Variants in KATNA1 observed in about 807,000 individuals in gnomAD.
The protein encoded by KATNA1 is katanin catalytic subunit A1.
In KATNA1, 42 loss-of-function variants were observed where a neutral mutation model predicts 62.6. The ratio of observed to expected loss-of-function variants is 0.67; its 90% confidence interval spans 0.52 to 0.87. The LOEUF is 0.87. KATNA1 is among the 40% of genes least tolerant of loss of function. The pLI is 0.00. For synonymous variants in KATNA1, 186 were observed against 201.9 expected (o/e 0.92, Z 0.67); for missense variants, 498 against 612.5 (o/e 0.81, Z 1.97).
At chr6:149,632,185 A>C (rs1453656120) in intron 3 of KATNA1, among the ~76,000 whole-genome samples, 1 of 151,946 alleles carries the variant, frequency 6.6e-6, no homozygotes, top group African/African-American at 2.4e-5. Flanking sequence ...CGAGGTGAGG[A>C]GAACGAGACC....
chr6:149,617,586 G>C, intron 4 of KATNA1, among the ~76,000 whole-genome samples: 1 of 150,556 alleles, frequency 6.6e-6, no homozygotes, highest in Non-Finnish European at 1.5e-5. Context: ...CGGATCACGA[G>C]GTCAAGAGAT....
chr6:149,605,908 G>A (rs538224937), intron 4 of KATNA1, among the ~76,000 whole-genome samples: 19 of 152,168 alleles, frequency 1.2e-4, no homozygotes, highest in East Asian at 7.7e-4. Context: ...AGGATGACAG[G>A]TGTGCACCAC....
intron 7 of KATNA1, among the ~76,000 whole-genome samples, chr6:149,600,770 TAA>T (rs386408910): frequency 3.1e-4 from 34 of 108,346 alleles, no homozygotes; most frequent in Middle Eastern, 4.6e-3. Context: ...ACCCCATCTG[TAA>T]AAAAAAAAAA....
At chr6:149,638,717 TA>T (rs145326017) in intron 1 of KATNA1, 157 bp from the exon 2 acceptor site, 101,298 of 272,104 alleles carry the variant, frequency 0.37, 23,899 homozygotes, top group East Asian at 0.72. Context: ...TTCACTCCTT[TA>T]AAAAAAACAT....
chr6:149,621,217 G>A (rs1048715459), intron 4 of KATNA1, among the ~76,000 whole-genome samples: 2 of 150,230 alleles, frequency 1.3e-5, no homozygotes, highest in Non-Finnish European at 2.9e-5. Context: ...TCCACCTCCC[G>A]GGTTCAAGCC....
At chr6:149,621,903 C>T (rs551909272) in intron 4 of KATNA1, among the ~76,000 whole-genome samples, 9 of 152,030 alleles carry the variant, frequency 5.9e-5, no homozygotes, top group African/African-American at 2.2e-4. Context: ...AATTCCAGTC[C>T]GAGAAAGGCA....
intron 2 of KATNA1, among the ~76,000 whole-genome samples, chr6:149,637,380 G>A (rs1283330355): frequency 6.6e-6 from 1 of 152,044 alleles, no homozygotes; most frequent in Non-Finnish European, 1.5e-5. Flanking sequence ...TCCCTCCTGG[G>A]CAAGAGAGCA....
At chr6:149,607,109 T>A (rs1320318263) in intron 4 of KATNA1, among the ~76,000 whole-genome samples, 1 of 152,150 alleles carries the variant, frequency 6.6e-6, no homozygotes, top group African/African-American at 2.4e-5. Context: ...ATATAAGGCA[T>A]TTTCTCTTTC....
At chr6:149,622,109 CT>C (rs1562292305) in intron 4 of KATNA1, among the ~76,000 whole-genome samples, 3 of 148,680 alleles carry the variant, frequency 2.0e-5, no homozygotes, top group African/African-American at 7.5e-5. Flanking sequence ...AAATTTACAG[CT>C]TTTGATAACT....
chr6:149,623,566 G>T (rs867365640), intron 3 of KATNA1, among the ~76,000 whole-genome samples: 1 of 151,856 alleles, frequency 6.6e-6, no homozygotes, highest in Admixed American at 6.6e-5. Context: ...TTGATACCCC[G>T]TCTCTACTAA....
intron 2 of KATNA1, among the ~76,000 whole-genome samples, chr6:149,635,583 C>T (rs1354396855): frequency 6.6e-6 from 1 of 151,892 alleles, no homozygotes; most frequent in East Asian, 1.9e-4. Flanking sequence ...GTGGCACACA[C>T]CTGTAATTCC....
At chr6:149,626,292 CTTTTT>C (rs544379629) in intron 3 of KATNA1, among the ~76,000 whole-genome samples, 2 of 88,748 alleles carry the variant, frequency 2.3e-5, no homozygotes, top group African/African-American at 1.1e-4. Context: ...ATAACATTTA[CTTTTT>C]TTTTTTTTTT....
chr6:149,598,173 C>T (rs1031846226), intron 8 of KATNA1, 51 bp downstream of exon 8: 1 of 1,603,404 alleles, frequency 6.2e-7, no homozygotes, highest in African/African-American at 1.3e-5. Context: ...ACTGGAGACA[C>T]CACACCTAAC....
At chr6:149,641,635 T>C (rs1195980162) in intron 1 of KATNA1, among the ~76,000 whole-genome samples, 2 of 152,206 alleles carry the variant, frequency 1.3e-5, no homozygotes, top group Non-Finnish European at 2.9e-5. Flanking sequence ...CTTATGAACA[T>C]GGAAATCCTA....
rs1650838308 is a variant in KATNA1 at position 149,648,696 on chromosome 6, G to T, written c.-241C>A. The T allele has an allele frequency of 6.6e-6, 1 of 152,234 alleles. No individual in the cohort carries two copies. Among genetic ancestry groups the T allele is most frequent in the Non-Finnish European group, 1.5e-5 (1 of 68,066 alleles). 9.4% of individuals were successfully genotyped at this position (152,234 alleles called of 1,614,324 possible). A position where few individuals can be genotyped will look rare whatever the true frequency, so the allele number is the denominator to read the frequency against. Reference sequence around the variant, plus strand: ...CCGCCAGGGTCACTTCCGGTGCCGGGGACGACCTCGGCGACTCTGGCGCAC... The same window carrying T: ...CCGCCAGGGTCACTTCCGGTGCCGGTGACGACCTCGGCGACTCTGGCGCAC... On this transcript the variant is annotated 5_prime_UTR_variant, in exon 1 of 11. Transcript: ENST00000367411.
intron 7 of KATNA1, among the ~76,000 whole-genome samples, chr6:149,598,731 C>G (rs1778421292): frequency 7.5e-6 from 1 of 134,128 alleles, no homozygotes; most frequent in African/African-American, 2.8e-5. Context: ...GTCTCTAAAA[C>G]AAGAGGAAAG....
chr6:149,633,696 G>A (rs1335442600), intron 2 of KATNA1, among the ~76,000 whole-genome samples: 1 of 151,700 alleles, frequency 6.6e-6, no homozygotes, highest in Non-Finnish European at 1.5e-5. Flanking sequence ...TCACGCCACT[G>A]CACTCCAGCC....
chr6:149,639,319 G>A (rs1780194906), intron 1 of KATNA1, among the ~76,000 whole-genome samples: 1 of 151,706 alleles, frequency 6.6e-6, no homozygotes, highest in Non-Finnish European at 1.5e-5. Flanking sequence ...ACAAAAAACA[G>A]GCCCGGTGCG....
intron 3 of KATNA1, chr6:149,631,376 G>C (rs1779828993): frequency 6.6e-6 from 1 of 152,118 alleles, no homozygotes; most frequent in South Asian, 2.1e-4. Context: ...TCCAGCCCAG[G>C]TGACAGAGTG....
Sources: allele counts gnomAD v4.1 joint callset (sites outside exome capture counted in the v4.1 genomes callset), GRCh38; gene constraint gnomAD v4.1.1; transcripts MANE v1.5; gene names NCBI Gene and HGNC (gene_info 2026-07-23, HGNC 2026-07-21).